The following IRAG1 variants were observed in gnomAD, a reference collection of about 807,000 sequenced individuals.
The protein encoded by IRAG1 is inositol 1,4,5-triphosphate receptor associated 1.
IRAG1 carries 62 observed loss-of-function variants against 106.2 expected under a neutral mutation model. The observed-to-expected ratio is 0.58, with a 90% confidence interval of 0.48 to 0.72. The LOEUF (loss-of-function observed/expected upper bound fraction) is 0.72, where lower values mean the gene tolerates loss of function less well. Among genes scored for constraint, IRAG1 ranks in the 30% least tolerant of loss-of-function variants. The probability of loss-of-function intolerance (pLI) is 0.00; values close to 1 mark genes in which losing one functional copy is unlikely to be tolerated. For missense variants in IRAG1, 1,064 were observed against 1,140.7 expected, an observed-to-expected ratio of 0.93 and a Z score of 0.97; for synonymous variants, 462 against 443.9, an observed-to-expected ratio of 1.04 and a Z score of -0.51.
chr11:10,690,357 T>C (rs982036333), intron 1 of IRAG1: 3 of 1,274,696 alleles, frequency 2.4e-6, no homozygotes, highest in Non-Finnish European at 3.1e-6. Context: ...TGGGTGACAG[T>C]GCGAGACCCT....
intron 1 of IRAG1, among the ~76,000 whole-genome samples, chr11:10,668,776 A>G (rs945195013): frequency 1.3e-5 from 2 of 152,196 alleles, no homozygotes; most frequent in Non-Finnish European, 2.9e-5. Context: ...TATCTCTAAC[A>G]TTTGGTATAT....
At chr11:10,596,060 GTGTATA>G (rs905744525) in intron 15 of IRAG1, among the ~76,000 whole-genome samples, 1 of 152,172 alleles carries the variant, frequency 6.6e-6, no homozygotes, top group Non-Finnish European at 1.5e-5. Flanking sequence ...GTATTCCATG[GTGTATA>G]TGTACCACAT....
At chr11:10,592,133 ATTTGG>A (rs1852749267) in intron 17 of IRAG1, among the ~76,000 whole-genome samples, 1 of 152,080 alleles carries the variant, frequency 6.6e-6, no homozygotes. Context: ...GTTGCAATGG[ATTTGG>A]TTTAAGTAAT....
intron 2 of IRAG1, among the ~76,000 whole-genome samples, chr11:10,644,960 G>T (rs79473688): frequency 1.3e-5 from 2 of 152,106 alleles, no homozygotes; most frequent in African/African-American, 4.8e-5. Context: ...GGCTAAACTC[G>T]AGATATTCCC....
At chr11:10,596,227 G>C (rs779206559) in intron 15 of IRAG1, among the ~76,000 whole-genome samples, 7 of 152,128 alleles carry the variant, frequency 4.6e-5, no homozygotes, top group Non-Finnish European at 8.8e-5. Flanking sequence ...CTTTCAGCGA[G>C]GGTCTATGAG....
At chr11:10,670,695 T>A (rs1860149025) in intron 1 of IRAG1, among the ~76,000 whole-genome samples, 1 of 152,170 alleles carries the variant, frequency 6.6e-6, no homozygotes. Flanking sequence ...AAGAGGTGAT[T>A]AAGTTTAAAT....
chr11:10,623,711 A>C, intron 10 of IRAG1, 67 bp downstream of exon 10: 1 of 1,421,530 alleles, frequency 7.0e-7, no homozygotes, highest in South Asian at 1.2e-5. Flanking sequence ...TTACACATTC[A>C]CCTTCCTTGA....
At position 10,628,704 on chromosome 11, in the gene IRAG1, C is replaced by T. The variant is rs1856461438; in HGVS notation, c.652+47G>A. ...TGATCTGTCCAGGCTGAGCTGCCAC[C>T]CAGAGCGAGAGGCAGGGCAGGAAGT... is the stretch of plus-strand genomic sequence containing the variant. On this transcript the variant is annotated intron_variant, in intron 6 of 20. Transcript: ENST00000423302. The surrounding 1 kb of genome is among the most constrained non-coding windows in gnomAD (Gnocchi z 4.1). 1.4e-6 allele frequency: 2 copies of T among 1,440,328 alleles called. No individual in the cohort carries two copies. The highest frequency in any genetic ancestry group is 1.9e-6 in the Non-Finnish European group (2 of 1,078,884). The allele number at this position is 1,440,328 out of a possible 1,614,324, so 89.2% of individuals were successfully genotyped here.
intron 2 of IRAG1, among the ~76,000 whole-genome samples, chr11:10,649,091 A>G (rs769920889): frequency 6.6e-6 from 1 of 152,070 alleles, no homozygotes; most frequent in Non-Finnish European, 1.5e-5. Context: ...CTGGCCTCGG[A>G]TGCTCCCAGG....
At chr11:10,633,105 C>G (rs552290257) in intron 3 of IRAG1, among the ~76,000 whole-genome samples, 6 of 140,166 alleles carry the variant, frequency 4.3e-5, no homozygotes, top group African/African-American at 1.1e-4. Flanking sequence ...GACGGAGTCT[C>G]GCACTGTCGC....
chr11:10,588,797 T>C (rs777783205), intron 18 of IRAG1, among the ~76,000 whole-genome samples: 25 of 152,252 alleles, frequency 1.6e-4, no homozygotes, highest in Admixed American at 5.2e-4. Context: ...TGTTGTATTA[T>C]AATAGGCTGC....
At chr11:10,640,564 T>C (rs1425883603) in intron 2 of IRAG1, among the ~76,000 whole-genome samples, 1 of 152,216 alleles carries the variant, frequency 6.6e-6, no homozygotes, top group African/African-American at 2.4e-5. Flanking sequence ...TGTTTTTCAC[T>C]CTATCAGGGA....
intron 15 of IRAG1, among the ~76,000 whole-genome samples, chr11:10,594,527 C>T (rs1011534267): frequency 6.6e-6 from 1 of 152,122 alleles, no homozygotes; most frequent in Non-Finnish European, 1.5e-5. Context: ...AACACGAAGA[C>T]TTATTGGGTT....
rs186818613 is a variant in IRAG1 at position 10,581,981 on chromosome 11, T to C, written c.2246A>G (p.Lys749Arg). The C allele has an allele frequency of 1.1e-3, 1,731 of 1,613,008 alleles. 3 individuals carry two copies. Among genetic ancestry groups the C allele is most frequent in the Non-Finnish European group, 1.4e-3 (1,599 of 1,179,384 alleles). ...TTCACAATCTGGGTCCCCATTTGTC[T>C]TTCCACTAGTGAGAAGAGGGAAGTA... ...SALPALLENG[K>R]TNGDPDCEAS... The change falls in exon 19 of 21, where the codon AAG becomes AGG. Residue 749 changes from lysine (K) to arginine (R), a missense_variant. Lys to Arg is a conservative substitution (Grantham distance 26, BLOSUM62 2). Transcript: ENST00000423302.
At chr11:10,617,458 A>G (rs1421896359) in intron 10 of IRAG1, among the ~76,000 whole-genome samples, 1 of 152,218 alleles carries the variant, frequency 6.6e-6, no homozygotes, top group African/African-American at 2.4e-5. Flanking sequence ...GAATTTTGGT[A>G]ATTGCTTCCT....
In IRAG1 at chr11:10,626,193, G is replaced by C. The variant is rs771387692; in HGVS notation, c.1141C>G (p.Pro381Ala). Residue 381 changes from proline to alanine, a missense_variant, in exon 9 of 21, where the codon CCA becomes GCA. Pro to Ala is a conservative substitution (Grantham distance 27). Transcript: ENST00000423302. ...GPEAGSKAELPPTVSRPPLLR... is the reference protein window; with the variant it reads ...GPEAGSKAELAPTVSRPPLLR... ...AGCGGGGGCCGGGACACAGTGGGTGGAAGCTCAGCTTTGGAGCCAGCCTCG... is the reference window on the plus strand; with the variant it reads ...AGCGGGGGCCGGGACACAGTGGGTGCAAGCTCAGCTTTGGAGCCAGCCTCG... The C allele has an allele frequency of 1.8e-5, 28 of 1,565,918 alleles. No individual in the cohort carries two copies. The East Asian group carries it at 6.3e-4, about 35-fold the overall frequency.
At chr11:10,597,025 C>A (rs574397095) in intron 15 of IRAG1, among the ~76,000 whole-genome samples, 40 of 152,294 alleles carry the variant, frequency 2.6e-4, no homozygotes, top group Admixed American at 6.5e-4. Flanking sequence ...AGAAACAGGG[C>A]AAACTGCATT....
At chr11:10,591,698 G>T in intron 17 of IRAG1, 86 bp from the exon 18 acceptor site, 2 of 1,220,878 alleles carry the variant, frequency 1.6e-6, no homozygotes, top group Non-Finnish European at 2.4e-6. Context: ...GATGCTGGGA[G>T]CGGGGCTGCT....
intron 18 of IRAG1, among the ~76,000 whole-genome samples, chr11:10,582,458 G>A (rs1851491986): frequency 6.6e-6 from 1 of 152,098 alleles, no homozygotes; most frequent in Non-Finnish European, 1.5e-5. Context: ...TACCAACATG[G>A]AACTTAGCAG....
Sources: gnomAD v4.1 joint callset for allele counts (sites outside exome capture counted in the v4.1 genomes callset) on GRCh38, gnomAD v4.1.1 for gene constraint, Gnocchi (gnomAD v3.1) non-coding constraint, MANE v1.5 for transcripts, NCBI Gene and HGNC (gene_info 2026-07-23, HGNC 2026-07-21) for gene names.